The following NAB1 variants were observed in gnomAD, a reference collection of about 807,000 sequenced individuals.
The protein encoded by NAB1 is NGFI-A binding protein 1, also known as NGFI-A-binding protein 1.
Under a neutral mutation model 49.9 loss-of-function variants are expected in NAB1, and 25 were observed. That is an observed-to-expected ratio of 0.50 (90% CI 0.37 to 0.70). The LOEUF (loss-of-function observed/expected upper bound fraction) is 0.70, where lower values mean the gene tolerates loss of function less well. Ranked by LOEUF, NAB1 falls within the 30% of genes least tolerant of loss-of-function variation. The probability of loss-of-function intolerance (pLI) is 0.00; values close to 1 mark genes in which losing one functional copy is unlikely to be tolerated. For missense variants in NAB1, 489 were observed against 575.9 expected (o/e 0.85, Z 1.54); for synonymous variants, 198 against 215.6 (o/e 0.92, Z 0.71).
intron 4 of NAB1, among the ~76,000 whole-genome samples, chr2:190,668,992 T>C (rs1189865180): frequency 1.3e-5 from 2 of 152,256 alleles, no homozygotes. Context: ...CCAGCATTAC[T>C]GCTCTTGCAC....
rs1423105031 is a variant in NAB1, at chr2:190,692,241, TA to T, written c.*1910del. 6.6e-6 allele frequency: 1 copy of T among 152,656 alleles called. No individual in the cohort carries two copies. Among genetic ancestry groups the T allele is most frequent in the Non-Finnish European group, 1.5e-5 (1 of 68,036 alleles). 9.5% of individuals were successfully genotyped at this position (152,656 alleles called of 1,614,324 possible). A position where few individuals can be genotyped will look rare whatever the true frequency, so the allele number is the denominator to read the frequency against. ...TATTTTGAAACATTTTGTTTTTTTT[TA>T]ATTGTGTCTTACAGTCAAGTTTGTA... On this transcript the variant is annotated 3_prime_UTR_variant, in exon 10 of 10. Coordinates refer to ENST00000337386, the MANE Select transcript of NAB1 (RefSeq NM_005966.4). The surrounding 1 kb of genome is among the most constrained non-coding windows in gnomAD (Gnocchi z 5.2).
intron 9 of NAB1, among the ~76,000 whole-genome samples, chr2:190,688,187 A>G (rs1695715014): frequency 6.6e-6 from 1 of 152,238 alleles, no homozygotes; most frequent in African/African-American, 2.4e-5. Context: ...AGGTAGCTAA[A>G]GCCAAATAAA....
rs1695797618 is a variant in NAB1 at position 190,689,304 on chromosome 2, G to A, written c.1376-941G>A. On this transcript the variant is annotated intron_variant, in intron 9 of 9. Coordinates refer to ENST00000337386, the MANE Select transcript of NAB1 (RefSeq NM_005966.4). The surrounding 1 kb of genome is among the most constrained non-coding windows in gnomAD (Gnocchi z 4.3). ...AATTTCTACCTCGTAGGGTAGTTAG[G>A]AGGATTAAACAAGATAGTGTACCTG... is the stretch of plus-strand genomic sequence containing the variant. Among the ~76,000 whole-genome samples the A allele has an allele frequency of 6.6e-6, 1 of 152,136 alleles. No individual in the cohort carries two copies. Among genetic ancestry groups the A allele is most frequent in the Non-Finnish European group, 1.5e-5 (1 of 68,028 alleles).
intron 6 of NAB1, 125 bp from the exon 7 acceptor site, chr2:190,683,613 C>A (rs1695463919): frequency 9.6e-6 from 6 of 622,850 alleles, no homozygotes; most frequent in Non-Finnish European, 1.6e-5. Context: ...TATTTTATAA[C>A]CATTAAAATC....
rs1234512168 is a variant in NAB1, at chr2:190,663,803, A to G, written c.819+3808A>G. ...TGTATTGATTCAGTGTTATTCCCAA[A>G]GTTTTGTTATGAGGTTATTTTATTA... On this transcript the variant is annotated intron_variant, in intron 4 of 9. Coordinates refer to ENST00000337386, the MANE Select transcript of NAB1 (RefSeq NM_005966.4). This position sits in a 1 kb window ranked among gnomAD's most constrained non-coding sequence, Gnocchi z 4.2. Among the ~76,000 whole-genome samples, 1 of 151,922 alleles carries G rather than the reference A, an allele frequency of 6.6e-6. No individual in the cohort carries two copies. Among genetic ancestry groups the G allele is most frequent in the Admixed American group, 6.6e-5 (1 of 15,246 alleles).
rs1484956189 is a variant in NAB1 at position 190,654,028 on chromosome 2, G to T, written c.-196-1949G>T. On this transcript the variant is annotated intron_variant, in intron 2 of 9. Coordinates refer to ENST00000337386, the MANE Select transcript of NAB1 (RefSeq NM_005966.4). The surrounding 1 kb of genome is among the most constrained non-coding windows in gnomAD (Gnocchi z 5.6). ...GTTTACACAGAAGGCCTCCCCTTTGGAATATGAAAGGTTGCTGATCAGATT... is the reference window on the plus strand; with the variant it reads ...GTTTACACAGAAGGCCTCCCCTTTGTAATATGAAAGGTTGCTGATCAGATT... Among the ~76,000 whole-genome samples the T allele has an allele frequency of 6.6e-6, 1 of 152,180 alleles. No homozygotes were observed. The highest frequency in any genetic ancestry group is 1.5e-5 in the Non-Finnish European group (1 of 68,024).
rs1695552926 is a variant in NAB1, at chr2:190,685,321, C to A, written c.1096-155C>A. On this transcript the variant is annotated intron_variant, in intron 7 of 9. Transcript: ENST00000337386. The surrounding 1 kb of genome is among the most constrained non-coding windows in gnomAD (Gnocchi z 4.5). ...TGTTTTAACATGATGATATAGACATCTATGCATATTTATGGAATTTGTATA... is the reference window on the plus strand; with the variant it reads ...TGTTTTAACATGATGATATAGACATATATGCATATTTATGGAATTTGTATA... Among the ~76,000 whole-genome samples, 1 of 152,198 alleles carries A rather than the reference C, an allele frequency of 6.6e-6. No individual in the cohort carries two copies. The highest frequency in any genetic ancestry group is 2.1e-4 in the South Asian group (1 of 4,832).
intron 9 of NAB1, among the ~76,000 whole-genome samples, chr2:190,690,004 GTATACATC>G (rs999315129): frequency 0.021 from 32 of 1,530 alleles, 4 homozygotes; most frequent in Non-Finnish European, 0.036. Context: ...GCCCAGAGAT[GTATACATC>G]TATACATATA....
At chr2:190,662,765 T>C (rs1369987815) in intron 4 of NAB1, among the ~76,000 whole-genome samples, 1 of 152,168 alleles carries the variant, frequency 6.6e-6, no homozygotes, top group Non-Finnish European at 1.5e-5. Context: ...TTACAGAATA[T>C]TTGTCAGCAG....
Position 190,685,326 on chromosome 2 carries a change from C to A in NAB1, c.1096-150C>A. ...TAACATGATGATATAGACATCTATG[C>A]ATATTTATGGAATTTGTATACCACA... On this transcript the variant is annotated intron_variant, in intron 7 of 9. Coordinates refer to ENST00000337386, the MANE Select transcript of NAB1 (RefSeq NM_005966.4). This position sits in a 1 kb window ranked among gnomAD's most constrained non-coding sequence, Gnocchi z 4.5. The A allele has an allele frequency of 1.6e-6, 1 of 615,770 alleles. No individual in the cohort carries two copies. Among genetic ancestry groups the A allele is most frequent in the Non-Finnish European group, 2.8e-6 (1 of 361,770 alleles). The allele number at this position is 615,770 out of a possible 1,614,324, so 38.1% of individuals were successfully genotyped here.
intron 9 of NAB1, among the ~76,000 whole-genome samples, chr2:190,687,995 T>C (rs971350301): frequency 2.6e-5 from 4 of 152,230 alleles, no homozygotes; most frequent in African/African-American, 9.6e-5. Context: ...CTGAATTCCA[T>C]AAAAGGATGA....
At chr2:190,668,068 T>G (rs1380365311) in intron 4 of NAB1, among the ~76,000 whole-genome samples, 1 of 152,142 alleles carries the variant, frequency 6.6e-6, no homozygotes, top group Non-Finnish European at 1.5e-5. Context: ...TTTAGAAATA[T>G]AAAATTGGTA....
At position 190,681,275 on chromosome 2, in the gene NAB1, C is replaced by T. The variant is rs944153577; in HGVS notation, c.1006-2463C>T. On this transcript the variant is annotated intron_variant, in intron 6 of 9. Coordinates refer to ENST00000337386, the MANE Select transcript of NAB1 (RefSeq NM_005966.4). The stretch of plus-strand genomic sequence containing the variant: ...GAACATAAAATATAGAACATAGGGA[C>T]TGGTATATTGTAGACCCCTGGAAAA... Among the ~76,000 whole-genome samples, 20 of 152,290 alleles carry T rather than the reference C, an allele frequency of 1.3e-4. 1 individual carries two copies. The highest frequency in any genetic ancestry group is 3.9e-4 in the African/African-American group (16 of 41,552).
In NAB1 at chr2:190,652,881, C is replaced by G. The variant is rs186481656; in HGVS notation, c.-197+2899C>G. ...TCTGGGTCTAGGATGAGAATAAAAG[C>G]GAAAATAATTAATTGCATAGAGCAA... On this transcript the variant is annotated intron_variant, in intron 2 of 9. Coordinates refer to ENST00000337386, the MANE Select transcript of NAB1 (RefSeq NM_005966.4). This position sits in a 1 kb window ranked among gnomAD's most constrained non-coding sequence, Gnocchi z 4.2. 6.6e-6 allele frequency among the ~76,000 whole-genome samples: 1 copy of G among 152,140 alleles called. No homozygotes were observed. The highest frequency in any genetic ancestry group is 1.9e-4 in the East Asian group (1 of 5,196).
In NAB1 at chr2:190,692,190, CA is replaced by C. The variant is rs971822126; in HGVS notation, c.*1858del. 2 of 152,666 alleles carry C rather than the reference CA, an allele frequency of 1.3e-5. No individual in the cohort carries two copies. The highest frequency in any genetic ancestry group is 4.8e-5 in the African/African-American group (2 of 41,566). The allele number at this position is 152,666 out of a possible 1,614,324, so 9.5% of individuals were successfully genotyped here. On this transcript the variant is annotated 3_prime_UTR_variant, in exon 10 of 10. Coordinates refer to ENST00000337386, the MANE Select transcript of NAB1 (RefSeq NM_005966.4). The surrounding 1 kb of genome is among the most constrained non-coding windows in gnomAD (Gnocchi z 5.2). Reference sequence around the variant, plus strand: ...ACTGGTTAGTATATCTCAGTAGTTTCATGAAACGTTTCCTGTATTCTAATCT... The same window carrying C: ...ACTGGTTAGTATATCTCAGTAGTTTCTGAAACGTTTCCTGTATTCTAATCT...
rs1284051596 is a variant in NAB1 at position 190,686,933 on chromosome 2, C to CTG, written c.1259-267_1259-266dup. Among the ~76,000 whole-genome samples, 1 of 152,046 alleles carries CTG rather than the reference C, an allele frequency of 6.6e-6. No individual in the cohort carries two copies. Among genetic ancestry groups the CTG allele is most frequent in the African/African-American group, 2.4e-5 (1 of 41,408 alleles). On this transcript the variant is annotated intron_variant, in intron 8 of 9. Transcript: ENST00000337386. This position sits in a 1 kb window ranked among gnomAD's most constrained non-coding sequence, Gnocchi z 5.5. ...AGAGGAGATGTATTATATGCCAAAA[C>CTG]TGGAATGCTCACAGGAATTCTCAGT...
In NAB1 at chr2:190,677,187, T is replaced by C. The variant is rs1303882631; in HGVS notation, c.1005+4035T>C. 8 of 152,132 alleles carry C rather than the reference T, an allele frequency of 5.3e-5. No individual in the cohort carries two copies. Among genetic ancestry groups the C allele is most frequent in the Non-Finnish European group, 1.2e-4 (8 of 68,030 alleles). 9.4% of individuals were successfully genotyped at this position (152,132 alleles called of 1,614,324 possible). On this transcript the variant is annotated intron_variant, in intron 6 of 9. Coordinates refer to ENST00000337386, the MANE Select transcript of NAB1 (RefSeq NM_005966.4). The surrounding 1 kb of genome is among the most constrained non-coding windows in gnomAD (Gnocchi z 5.6). ...TAGGTTGTTCCCCCTTAAAGGATAG[T>C]TACTTATTTGATTTAAAAAAAAAAT...
rs577756265 is a variant in NAB1, at chr2:190,692,215, C to G, written c.*1882C>G. 1.3e-5 allele frequency: 2 copies of G among 152,566 alleles called. No homozygotes were observed. The highest frequency in any genetic ancestry group is 3.9e-4 in the East Asian group (2 of 5,176). The allele number at this position is 152,566 out of a possible 1,614,324, so 9.5% of individuals were successfully genotyped here. On this transcript the variant is annotated 3_prime_UTR_variant, in exon 10 of 10. Transcript: ENST00000337386. The surrounding 1 kb of genome is among the most constrained non-coding windows in gnomAD (Gnocchi z 5.2). Reference sequence around the variant, plus strand: ...CATGAAACGTTTCCTGTATTCTAATCTATTTTGAAACATTTTGTTTTTTTT... The same window carrying G: ...CATGAAACGTTTCCTGTATTCTAATGTATTTTGAAACATTTTGTTTTTTTT...
chr2:190,659,808 C>A lies in NAB1; in HGVS notation c.632C>A (p.Pro211Gln), dbSNP rs1237580294. 4 of 1,614,102 alleles carry A rather than the reference C, an allele frequency of 2.5e-6. No individual in the cohort carries two copies. Among genetic ancestry groups the A allele is most frequent in the Non-Finnish European group, 3.4e-6 (4 of 1,180,008 alleles). The change falls in exon 4 of 10, where the codon CCA becomes CAA. Residue 211 changes from proline to glutamine, a missense_variant. Pro to Gln is a moderately conservative substitution (Grantham distance 76). Transcript: ENST00000337386. The surrounding 1 kb of genome is among the most constrained non-coding windows in gnomAD (Gnocchi z 6.2). ...ECVERMAPTL[P>Q]KSDLNEVKEL... is the part of the protein sequence containing the mutation. ...GTGGAGCGGATGGCCCCCACACTGC[C>A]AAAAAGTGACTTGAATGAAGTGAAA...
Sources: gnomAD v4.1 joint callset for allele counts (sites outside exome capture counted in the v4.1 genomes callset) on GRCh38, gnomAD v4.1.1 for gene constraint, Gnocchi (gnomAD v3.1) non-coding constraint, MANE v1.5 for transcripts, NCBI Gene and HGNC (gene_info 2026-07-23, HGNC 2026-07-21) for gene names.